The following SCAMP3 variants were observed in gnomAD, a reference collection of about 807,000 sequenced individuals.
SCAMP3 encodes secretory carrier membrane protein 3.
SCAMP3 carries 30 observed loss-of-function variants against 44.1 expected under a neutral mutation model. The ratio of observed to expected loss-of-function variants is 0.68; its 90% confidence interval spans 0.51 to 0.92. The LOEUF is 0.92. Among genes scored for constraint, SCAMP3 ranks in the 40% least tolerant of loss-of-function variants. SCAMP3 has a pLI of 0.00. For synonymous variants in SCAMP3, 168 were observed against 171.1 expected, an observed-to-expected ratio of 0.98 and a Z score of 0.14; for missense variants, 394 against 440.0, an observed-to-expected ratio of 0.90 and a Z score of 0.93.
rs138266025 is a variant in SCAMP3, at chr1:155,260,343, C to G, written c.375G>C (p.Leu125=). 2.4e-4 allele frequency: 394 copies of G among 1,612,280 alleles called. No individual in the cohort carries two copies. Among genetic ancestry groups the G allele is most frequent in the Middle Eastern group, 1.8e-3 (11 of 6,084 alleles). Reference sequence around the variant, plus strand: ...TCTATTACTTACTAGCTGTGCCCCCCAGGGCAGCATGCTGCAGCTCTCGCT... The same window carrying G: ...TCTATTACTTACTAGCTGTGCCCCCGAGGGCAGCATGCTGCAGCTCTCGCT... ...RRERELQHAA[L]GGTATRQNNW... is the part of the protein sequence containing the mutation. The change falls in exon 4 of 9, where the codon CTG becomes CTC. Residue 125 remains leucine (L), a synonymous_variant. Transcript: ENST00000302631.
At position 155,256,346 on chromosome 1, in the gene SCAMP3, G is replaced by A. The variant is rs1672793769; in HGVS notation, c.971C>T (p.Ser324Phe). Residue 324 changes from serine to phenylalanine, a missense_variant, in exon 9 of 9, where the codon TCC (serine) becomes TTC (phenylalanine). Ser to Phe is a radical substitution (Grantham distance 155). Transcript: ENST00000302631. ...AGCTGCGGTTCGCACCGCAGGGTTGGAGAAGACACCAGCAGCAAATTCTTG... is the reference window on the plus strand; with the variant it reads ...AGCTGCGGTTCGCACCGCAGGGTTGAAGAAGACACCAGCAGCAAATTCTTG... ...AQQEFAAGVF[S>F]NPAVRTAAAN... 1 of 1,609,894 alleles carries A rather than the reference G, an allele frequency of 6.2e-7. No individual in the cohort carries two copies. The highest frequency in any genetic ancestry group is 8.5e-7 in the Non-Finnish European group (1 of 1,176,856).
chr1:155,258,646 T>C lies in SCAMP3; in HGVS notation c.517+180A>G. 4.8e-6 allele frequency: 3 copies of C among 622,538 alleles called. No homozygotes were observed. The Admixed American group carries it at 8.5e-5, about 18-fold the overall frequency. 38.6% of individuals were successfully genotyped at this position (622,538 alleles called of 1,614,324 possible). ...CCACTGCACCCAGCCCAAAGACATC[T>C]AAAGAATTCAAAATATATTCCTGCA... On this transcript the variant is annotated intron_variant, in intron 5 of 8. Transcript: ENST00000302631.
rs1262656376 is a variant in SCAMP3, at chr1:155,261,714, G to C, written c.87C>G (p.His29Gln). Residue 29 changes from histidine (H) to glutamine (Q), a missense_variant, in exon 2 of 9, where the codon CAC becomes CAG. By Grantham distance (24) the His-to-Gln change is conservative (BLOSUM62 0). Coordinates refer to ENST00000302631, the MANE Select transcript of SCAMP3 (RefSeq NM_005698.4). ...NPFQDPAVIQHRPSRQYATLD... is the reference protein window; with the variant it reads ...NPFQDPAVIQQRPSRQYATLD... ...GCGTGGCATACTGCCGGCTGGGTCG[G>C]TGCTGGATCACAGCTGGGTCCTGAG... 1 of 1,614,048 alleles carries C rather than the reference G, an allele frequency of 6.2e-7. No individual in the cohort carries two copies. The highest frequency in any genetic ancestry group is 8.5e-7 in the Non-Finnish European group (1 of 1,180,010).
rs1672969480 is a variant in SCAMP3, at chr1:155,261,700, T to C, written c.101A>G (p.Gln34Arg). The change falls in exon 2 of 9, where the codon CAG (glutamine) becomes CGG (arginine). Residue 34 changes from glutamine to arginine, a missense_variant. Gln to Arg is a conservative substitution (Grantham distance 43). Transcript: ENST00000302631. ...PAVIQHRPSR[Q>R]YATLDVYNPF... ...GTTGTAGACGTCAAGCGTGGCATACTGCCGGCTGGGTCGGTGCTGGATCAC... is the reference window on the plus strand; with the variant it reads ...GTTGTAGACGTCAAGCGTGGCATACCGCCGGCTGGGTCGGTGCTGGATCAC... 12 of 1,614,026 alleles carry C rather than the reference T, an allele frequency of 7.4e-6. No homozygotes were observed. The highest frequency in any genetic ancestry group is 1.7e-5 in the Admixed American group (1 of 60,004).
chr1:155,256,509 C>T, intron 8 of SCAMP3, 90 bp from the exon 9 acceptor site: 1 of 1,464,632 alleles, frequency 6.8e-7, no homozygotes. Flanking sequence ...CAGCAGCCTG[C>T]TGCCCAGCAC....
chr1:155,259,853 C>T (rs1020212692), intron 4 of SCAMP3, among the ~76,000 whole-genome samples: 1 of 152,064 alleles, frequency 6.6e-6, no homozygotes, highest in African/African-American at 2.4e-5. Flanking sequence ...AATAGGGAAA[C>T]TGAGGCATTC....
intron 4 of SCAMP3, 62 bp from the exon 5 acceptor site, chr1:155,259,016 C>T: frequency 7.1e-7 from 1 of 1,400,670 alleles, no homozygotes; most frequent in Admixed American, 2.2e-5. Flanking sequence ...AAAGGAATCA[C>T]TCCCCCTTCT....
chr1:155,256,874 C>T, intron 7 of SCAMP3, 83 bp from the exon 8 acceptor site: 1 of 1,095,434 alleles, frequency 9.1e-7, no homozygotes, highest in South Asian at 1.3e-5. Flanking sequence ...TGTTCCTACC[C>T]TTCCCATCAG....
intron 1 of SCAMP3, 36 bp downstream of exon 1, chr1:155,262,050 C>G: frequency 1.9e-6 from 3 of 1,604,504 alleles, no homozygotes; most frequent in Non-Finnish European, 2.6e-6. Context: ...AAGAATCAAC[C>G]TGACCGCCCA....
intron 4 of SCAMP3, among the ~76,000 whole-genome samples, chr1:155,259,519 G>A (rs116334187): frequency 0.019 from 2,821 of 152,194 alleles, 40 homozygotes; most frequent in Non-Finnish European, 0.03. Context: ...GTACCATCAT[G>A]CCCTGCTAAT....
chr1:155,261,660 C>T lies in SCAMP3; in HGVS notation c.141G>A (p.Arg47=), dbSNP rs756352782. 6 of 1,613,974 alleles carry T rather than the reference C, an allele frequency of 3.7e-6. No homozygotes were observed. Among genetic ancestry groups the T allele is most frequent in the Middle Eastern group, 3.3e-4 (2 of 6,062 alleles). ...TLDVYNPFET[R]EPPPAYEPPA... ...CCTATGCTCTCCAGTAGCTCACCTC[C>T]CGGGTCTCAAAAGGGTTGTAGACGT... is the stretch of plus-strand genomic sequence containing the variant. Residue 47 remains arginine, a synonymous_variant, in exon 2 of 9, where the codon CGG becomes CGA. Coordinates refer to ENST00000302631, the MANE Select transcript of SCAMP3 (RefSeq NM_005698.4).
Position 155,257,611 on chromosome 1 carries a change from G to A in SCAMP3, c.564C>T (p.Ser188=). The A allele has an allele frequency of 6.3e-7, 1 of 1,582,774 alleles. No homozygotes were observed. The highest frequency in any genetic ancestry group is 8.6e-7 in the Non-Finnish European group (1 of 1,162,946). The change falls in exon 6 of 9, where the codon AGC becomes AGT. Residue 188 remains serine, a synonymous_variant. Coordinates refer to ENST00000302631, the MANE Select transcript of SCAMP3 (RefSeq NM_005698.4). The part of the protein sequence containing the change: ...LLLNFLACLA[S]FCVETNNGAG... ...CGCCATTGTTGGTTTCCACACAGAA[G>A]CTGGCCAGGCAGGCGAGGAAGTTCA...
In SCAMP3 at chr1:155,262,317, C is replaced by T. The variant is rs1672991599; in HGVS notation, c.-166G>A. 3 of 636,642 alleles carry T rather than the reference C, an allele frequency of 4.7e-6. No homozygotes were observed. In the Admixed American group the frequency reaches 9.2e-5, roughly 20 times the overall value. 39.4% of individuals were successfully genotyped at this position (636,642 alleles called of 1,614,324 possible). ...AGGGCCACAAGGATCCCCGCAGCAG[C>T]CGTGGGTTGCGCCTGCGTCTTGTCC... On this transcript the variant is annotated 5_prime_UTR_variant, in exon 1 of 9. Coordinates refer to ENST00000302631, the MANE Select transcript of SCAMP3 (RefSeq NM_005698.4).
In SCAMP3 at chr1:155,257,886, G is replaced by A. The variant is rs572189271; in HGVS notation, c.518-229C>T. On this transcript the variant is annotated intron_variant, in intron 5 of 8. Transcript: ENST00000302631. ...TTGAGACGGAGTCTGGCTCTGTCGC[G>A]CAGGCTGGAGTGCAGTGGCGCAATC... Among the ~76,000 whole-genome samples the A allele has an allele frequency of 5.3e-5, 8 of 151,596 alleles. No individual in the cohort carries two copies. In the East Asian group the frequency reaches 5.8e-4, roughly 11 times the overall value.
intron 4 of SCAMP3, 75 bp downstream of exon 4, chr1:155,260,255 G>A (rs1433138061): frequency 2.5e-6 from 4 of 1,576,446 alleles, no homozygotes; most frequent in African/African-American, 2.7e-5. Context: ...ACCGCACCCA[G>A]CCGAGCCCAG....
chr1:155,258,924 G>A lies in SCAMP3; in HGVS notation c.419C>T (p.Ser140Phe). 2 of 1,612,920 alleles carry A rather than the reference G, an allele frequency of 1.2e-6. No individual in the cohort carries two copies. Among genetic ancestry groups the A allele is most frequent in the Non-Finnish European group, 1.7e-6 (2 of 1,179,566 alleles). The change falls in exon 5 of 9, where the codon TCT (serine) becomes TTT (phenylalanine). Residue 140 changes from serine (S) to phenylalanine (F), a missense_variant. Ser to Phe is a radical substitution (Grantham distance 155). Coordinates refer to ENST00000302631, the MANE Select transcript of SCAMP3 (RefSeq NM_005698.4). ...TRQNNWPPLP[S>F]FCPVQPCFFQ... ...AAAGCAGGGCTGAACTGGACAAAAA[G>A]AAGGTAGAGGGGGCCAATTGTTCTG...
Position 155,260,360 on chromosome 1 carries a change from G to GCT in SCAMP3, c.356_357dup (p.Leu120SerfsTer62). 7 of 1,613,186 alleles carry GCT rather than the reference G, an allele frequency of 4.3e-6. No individual in the cohort carries two copies. The highest frequency in any genetic ancestry group is 5.9e-6 in the Non-Finnish European group (7 of 1,180,010). On this transcript the variant is annotated frameshift_variant, in exon 4 of 9. Transcript: ENST00000302631. LOFTEE classifies it high-confidence loss of function. ...GTGCCCCCCAGGGCAGCATGCTGCA[G>GCT]CTCTCGCTCCCTTCGGTCCAACTCC...
rs1377382746 is a variant in SCAMP3 at position 155,258,836 on chromosome 1, G to T, written c.507C>A (p.Tyr169Ter). 3 of 1,609,528 alleles carry T rather than the reference G, an allele frequency of 1.9e-6. No homozygotes were observed. Among genetic ancestry groups the T allele is most frequent in the Non-Finnish European group, 1.7e-6 (2 of 1,178,420 alleles). The change falls in exon 5 of 9, where the codon TAC becomes TAA. Residue 169 changes from tyrosine (Y) to a stop codon, truncating the protein, a stop_gained. Transcript: ENST00000302631. LOFTEE classifies it high-confidence loss of function. ...EFQKTVSTMY[Y>*]LWMCSTLALL... ...CTTCTCACTACTCACACATCCAGAG[G>T]TAGTACATGGTGGATACAGTCTTCT...
rs1557928005 is a variant in SCAMP3 at position 155,262,156 on chromosome 1, G to A, written c.-5C>T. ...GCCGTCTCTGCTCTGAGCCATGTTTGCAACTGCGGCCTCCGCGGCCCTCTG... is the reference window on the plus strand; with the variant it reads ...GCCGTCTCTGCTCTGAGCCATGTTTACAACTGCGGCCTCCGCGGCCCTCTG... On this transcript the variant is annotated 5_prime_UTR_variant, in exon 1 of 9. Coordinates refer to ENST00000302631, the MANE Select transcript of SCAMP3 (RefSeq NM_005698.4). 3 of 1,613,138 alleles carry A rather than the reference G, an allele frequency of 1.9e-6. No homozygotes were observed. The African/African-American group carries it at 4.0e-5, about 21-fold the overall frequency.
Sources: gnomAD v4.1 joint callset for allele counts (sites outside exome capture counted in the v4.1 genomes callset) on GRCh38, gnomAD v4.1.1 for gene constraint, MANE v1.5 for transcripts, NCBI Gene and HGNC (gene_info 2026-07-23, HGNC 2026-07-21) for gene names.